Variants in AGPAT5 observed in about 807,000 individuals in gnomAD.
AGPAT5 encodes the protein 1-acyl-sn-glycerol-3-phosphate acyltransferase epsilon.
A neutral mutation model predicts 45.6 loss-of-function variants in AGPAT5; 46 were observed. The observed-to-expected ratio is 1.01, with a 90% confidence interval of 0.80 to 1.29. The LOEUF (loss-of-function observed/expected upper bound fraction) is 1.29. Ranked by LOEUF, AGPAT5 falls within the 50% of genes most tolerant of loss-of-function variation. The pLI is 0.00. For synonymous variants in AGPAT5, 272 were observed against 167.0 expected (o/e 1.63, Z -4.85); for missense variants, 673 against 450.7 (o/e 1.49, Z -4.47).
intron 6 of AGPAT5, among the ~76,000 whole-genome samples, chr8:6,748,091 TAAAAG>T (rs1416884526): frequency 2.0e-5 from 3 of 151,582 alleles, no homozygotes; most frequent in South Asian, 2.1e-4. Flanking sequence ...AGTTCACACT[TAAAAG>T]GAAAGCTCTG....
intron 1 of AGPAT5, among the ~76,000 whole-genome samples, chr8:6,713,005 T>G (rs1800202447): frequency 6.6e-6 from 1 of 152,214 alleles, no homozygotes; most frequent in South Asian, 2.1e-4. Context: ...GGGTTTGGGT[T>G]TTTTTGAGTC....
intron 1 of AGPAT5, among the ~76,000 whole-genome samples, chr8:6,715,999 G>C (rs1426973370): frequency 6.6e-6 from 1 of 152,062 alleles, no homozygotes; most frequent in Non-Finnish European, 1.5e-5. Flanking sequence ...TTTCATTCTA[G>C]TCTAGCTTTT....
intron 5 of AGPAT5, among the ~76,000 whole-genome samples, chr8:6,747,045 C>A (rs1466906236): frequency 3.9e-5 from 6 of 152,192 alleles, no homozygotes; most frequent in Non-Finnish European, 5.9e-5. Context: ...AGCTTGTTCA[C>A]CTGCAGCCTT....
Position 6,711,970 on chromosome 8 carries a change from A to G in AGPAT5, c.219+3083A>G, listed in dbSNP as rs76876357. On this transcript the variant is annotated intron_variant, in intron 1 of 7. Coordinates refer to ENST00000285518, the MANE Select transcript of AGPAT5 (RefSeq NM_018361.5). ...ATAACTGCAAAGAGCCTTTTTCCAA[A>G]TAAGAAAACATTCACAGGTTCCAGG... Among the ~76,000 whole-genome samples the G allele has an allele frequency of 3.9e-3, 599 of 152,326 alleles. 5 individuals carry two copies. Among genetic ancestry groups the G allele is most frequent in the African/African-American group, 0.014 (575 of 41,578 alleles).
intron 3 of AGPAT5, among the ~76,000 whole-genome samples, chr8:6,731,105 G>C (rs571584982): frequency 6.6e-6 from 1 of 152,082 alleles, no homozygotes; most frequent in African/African-American, 2.4e-5. Flanking sequence ...CAAGCAATCT[G>C]CCTGTCTCAG....
At chr8:6,729,340 A>G (rs1800787813) in intron 2 of AGPAT5, among the ~76,000 whole-genome samples, 1 of 104,100 alleles carries the variant, frequency 9.6e-6, no homozygotes, top group Admixed American at 1.2e-4. Context: ...TTTATTTTCT[A>G]CAGACTTTTT....
At chr8:6,712,640 G>C (rs2911983) in intron 1 of AGPAT5, among the ~76,000 whole-genome samples, 107,196 of 152,016 alleles carry the variant, frequency 0.71, 38,236 homozygotes, top group African/African-American at 0.81. Flanking sequence ...CAGAGGATTG[G>C]GTAGGACTCA....
chr8:6,751,806 T>C (rs949895333), intron 6 of AGPAT5, among the ~76,000 whole-genome samples: 1 of 152,218 alleles, frequency 6.6e-6, no homozygotes, highest in African/African-American at 2.4e-5. Flanking sequence ...GTATTGTGTA[T>C]GATCCTAGTT....
intron 3 of AGPAT5, among the ~76,000 whole-genome samples, chr8:6,731,340 T>C (rs1432141812): frequency 6.6e-6 from 1 of 152,130 alleles, no homozygotes. Flanking sequence ...TGGGGATTGG[T>C]TTTAGAACCA....
At chr8:6,728,598 T>G (rs1800767182) in intron 2 of AGPAT5, among the ~76,000 whole-genome samples, 1 of 152,234 alleles carries the variant, frequency 6.6e-6, no homozygotes, top group South Asian at 2.1e-4. Flanking sequence ...ACCATTTGTT[T>G]TAAAATAAAA....
At position 6,710,541 on chromosome 8, in the gene AGPAT5, A is replaced by G. The variant is rs116951331; in HGVS notation, c.219+1654A>G. Among the ~76,000 whole-genome samples the G allele has an allele frequency of 9.3e-3, 1,414 of 152,380 alleles. 7 individuals are homozygous for G. The highest frequency in any genetic ancestry group is 0.016 in the Non-Finnish European group (1,075 of 68,038). On this transcript the variant is annotated intron_variant, in intron 1 of 7. Coordinates refer to ENST00000285518, the MANE Select transcript of AGPAT5 (RefSeq NM_018361.5). ...GCCCACTGATCATCAAATGCAAGTT[A>G]TGAACATTTAATAAAAATTTAAAAC...
rs78478976 is a variant in AGPAT5 at position 6,734,258 on chromosome 8, T to G, written c.495+1608T>G. 5.7e-5 allele frequency among the ~76,000 whole-genome samples: 8 copies of G among 141,100 alleles called. No individual in the cohort carries two copies. In the East Asian group the frequency reaches 8.9e-4, roughly 16 times the overall value. 92.6% of individuals were successfully genotyped at this position (141,100 alleles called of 152,430 possible). A position where few individuals can be genotyped will look rare whatever the true frequency, so the allele number is the denominator to read the frequency against. On this transcript the variant is annotated intron_variant, in intron 4 of 7. Coordinates refer to ENST00000285518, the MANE Select transcript of AGPAT5 (RefSeq NM_018361.5). ...AGATGCATTATTCGTTTTTTGTTGGTTTTTTTTTTAATTTTTTTTTTTACG... is the reference window on the plus strand; with the variant it reads ...AGATGCATTATTCGTTTTTTGTTGGGTTTTTTTTTAATTTTTTTTTTTACG...
At chr8:6,754,959 T>G in intron 6 of AGPAT5, 92 bp from the exon 7 acceptor site, 2 of 1,080,296 alleles carry the variant, frequency 1.9e-6, no homozygotes, top group Non-Finnish European at 2.5e-6. Flanking sequence ...TTTACAACTT[T>G]TTTTGTCCTG....
Position 6,758,933 on chromosome 8 carries a change from A to T in AGPAT5, c.*1545A>T, listed in dbSNP as rs1262640820. On this transcript the variant is annotated 3_prime_UTR_variant, in exon 8 of 8. Transcript: ENST00000285518. ...GATAAGCAAAATGAAAGAAATAATG[A>T]TTAAGGGAAAATTAAGTGACTGTGT... 1.3e-5 allele frequency: 2 copies of T among 152,670 alleles called. No individual in the cohort carries two copies. The highest frequency in any genetic ancestry group is 2.9e-5 in the Non-Finnish European group (2 of 68,040). 9.5% of individuals were successfully genotyped at this position (152,670 alleles called of 1,614,324 possible).
chr8:6,749,594 A>G (rs1801588726), intron 6 of AGPAT5, among the ~76,000 whole-genome samples: 1 of 152,152 alleles, frequency 6.6e-6, no homozygotes, highest in Non-Finnish European at 1.5e-5. Context: ...TGCAAATTTA[A>G]GTATATCTTC....
At chr8:6,734,066 A>T (rs1045654216) in intron 4 of AGPAT5, among the ~76,000 whole-genome samples, 1 of 152,176 alleles carries the variant, frequency 6.6e-6, no homozygotes, top group Non-Finnish European at 1.5e-5. Flanking sequence ...AGTGTCATTT[A>T]AAAATTTTTA....
At chr8:6,752,262 C>A (rs1168377787) in intron 6 of AGPAT5, among the ~76,000 whole-genome samples, 1 of 152,144 alleles carries the variant, frequency 6.6e-6, no homozygotes, top group East Asian at 1.9e-4. Flanking sequence ...CCAGCGGTAA[C>A]CCCAATTTGG....
chr8:6,709,153 G>C (rs1396372544), intron 1 of AGPAT5: 1 of 545,674 alleles, frequency 1.8e-6, no homozygotes, highest in African/African-American at 1.9e-5. Flanking sequence ...GTCTGATGCT[G>C]CTTAGCAAAG....
At chr8:6,734,238 C>T (rs974309719) in intron 4 of AGPAT5, among the ~76,000 whole-genome samples, 3 of 151,708 alleles carry the variant, frequency 2.0e-5, no homozygotes, top group African/African-American at 4.8e-5. Flanking sequence ...TTCTTAGATG[C>T]ATTATTCGTT....
Sources: gnomAD v4.1 joint callset for allele counts (sites outside exome capture counted in the v4.1 genomes callset) on GRCh38, gnomAD v4.1.1 for gene constraint, MANE v1.5 for transcripts, NCBI Gene and HGNC (gene_info 2026-07-23, HGNC 2026-07-21) for gene names.